Variants in SCNN1A observed in about 807,000 individuals in gnomAD.
The protein encoded by SCNN1A is epithelial sodium channel subunit alpha.
A neutral mutation model predicts 68.6 loss-of-function variants in SCNN1A; 65 were observed. The observed-to-expected ratio is 0.95, with a 90% CI of 0.78 to 1.16. The LOEUF (loss-of-function observed/expected upper bound fraction) is 1.16, where lower values mean the gene tolerates loss of function less well. Among genes scored for constraint, SCNN1A ranks in the 50% most tolerant of loss-of-function variants. SCNN1A has a pLI of 0.00. For synonymous variants in SCNN1A, 357 were observed against 353.3 expected, an observed-to-expected ratio of 1.01 and a Z score of -0.12; for missense variants, 880 against 865.9, an observed-to-expected ratio of 1.02 and a Z score of -0.20.
chr12:6,375,062 G>C, intron 1 of SCNN1A: 1 of 1,532,444 alleles, frequency 6.5e-7, no homozygotes. Flanking sequence ...CCGGAGCTGG[G>C]CTTCCCTAGA....
Position 6,372,948 on chromosome 12 carries a change from C to G in SCNN1A, c.416+1420G>C, listed in dbSNP as rs77825754. ...CTCTCTCTGTGATGTTGTGACTTGC[C>G]TCTCTTTGCCTTAGTTTCCTCAAGT... On this transcript the variant is annotated intron_variant, in intron 2 of 12. Transcript: ENST00000228916. The surrounding 1 kb of genome is among the most constrained non-coding windows in gnomAD (Gnocchi z 5.8). Among the ~76,000 whole-genome samples the G allele has an allele frequency of 0.024, 3,585 of 152,268 alleles. 129 individuals are homozygous for G. The highest frequency in any genetic ancestry group is 0.079 in the African/African-American group (3,287 of 41,528).
At chr12:6,356,626 G>C (rs553450532) in intron 4 of SCNN1A, among the ~76,000 whole-genome samples, 1 of 152,194 alleles carries the variant, frequency 6.6e-6, no homozygotes, top group Non-Finnish European at 1.5e-5. Context: ...ACAGGTGTGG[G>C]GACAGAGAGA....
At chr12:6,365,202 G>A (rs1948656090) in intron 2 of SCNN1A, among the ~76,000 whole-genome samples, 1 of 151,958 alleles carries the variant, frequency 6.6e-6, no homozygotes, top group Non-Finnish European at 1.5e-5. Context: ...ATTTTTTGTA[G>A]AGAGGGGGTT....
At chr12:6,373,876 A>G (rs1395960555) in intron 2 of SCNN1A, among the ~76,000 whole-genome samples, 1 of 152,030 alleles carries the variant, frequency 6.6e-6, no homozygotes, top group Non-Finnish European at 1.5e-5. Context: ...TCTCCATAAT[A>G]AATTCCCCTT....
At position 6,349,208 on chromosome 12, in the gene SCNN1A, G is replaced by C. The variant is rs773081415; in HGVS notation, c.1453C>G (p.Gln485Glu). Residue 485 changes from glutamine (Q) to glutamate (E), a missense_variant, in exon 10 of 13, where the codon CAG becomes GAG. This residue lies in a region of SCNN1A where 758 missense variants were observed against 721.8 expected (regional missense o/e 1.05). Coordinates refer to ENST00000228916, the MANE Select transcript of SCNN1A (RefSeq NM_001038.6). Reference protein sequence around the residue: ...CRKPCSVTSYQLSAGYSRWPS... With the variant: ...CRKPCSVTSYELSAGYSRWPS... ...CATCGTGAGTAACCAGCAGAGAGCT[G>C]GTAGCTGGTCACGCTGGGGATGGAG... The C allele has an allele frequency of 6.2e-7, 1 of 1,614,158 alleles. No homozygotes were observed. Among genetic ancestry groups the C allele is most frequent in the Non-Finnish European group, 8.5e-7 (1 of 1,180,026 alleles).
intron 4 of SCNN1A, among the ~76,000 whole-genome samples, chr12:6,360,093 A>C (rs1948558704): frequency 6.6e-6 from 1 of 152,176 alleles, no homozygotes. Flanking sequence ...ATAGCAACAC[A>C]AAATGGACTA....
rs1948869757 is a variant in SCNN1A, at chr12:6,374,819, GCTC to G, written c.-39_-37del. ...ATGGGCTGCAGAGGTCTAGGGTCCT[GCTC>G]CTCCAGCTTGTTCCCCTTCATGAGC... On this transcript the variant is annotated 5_prime_UTR_variant, in exon 2 of 13. Transcript: ENST00000228916. The surrounding 1 kb of genome is among the most constrained non-coding windows in gnomAD (Gnocchi z 6.2). 1.2e-6 allele frequency: 2 copies of G among 1,613,952 alleles called. No homozygotes were observed. The highest frequency in any genetic ancestry group is 3.3e-5 in the Admixed American group (2 of 60,006).
In SCNN1A at chr12:6,347,673, A is replaced by C; in HGVS notation, c.*200T>G. 1 of 625,572 alleles carries C rather than the reference A, an allele frequency of 1.6e-6. No individual in the cohort carries two copies. Among genetic ancestry groups the C allele is most frequent in the Non-Finnish European group, 2.9e-6 (1 of 347,040 alleles). 38.8% of individuals were successfully genotyped at this position (625,572 alleles called of 1,614,324 possible). On this transcript the variant is annotated 3_prime_UTR_variant, in exon 13 of 13. Coordinates refer to ENST00000228916, the MANE Select transcript of SCNN1A (RefSeq NM_001038.6). Reference sequence around the variant, plus strand: ...ACCAAGGGGTACAGGGCTGGAGCCAAGGCACTTCTGGGCAGCTTCATCAGC... The same window carrying C: ...ACCAAGGGGTACAGGGCTGGAGCCACGGCACTTCTGGGCAGCTTCATCAGC...
chr12:6,366,719 G>A (rs1948685411), intron 2 of SCNN1A, among the ~76,000 whole-genome samples: 2 of 151,834 alleles, frequency 1.3e-5, no homozygotes, highest in Non-Finnish European at 2.9e-5. Context: ...AGAATCGCTT[G>A]AACCCGGGAG....
At chr12:6,364,561 C>G (rs907803770) in intron 2 of SCNN1A, among the ~76,000 whole-genome samples, 1 of 151,972 alleles carries the variant, frequency 6.6e-6, no homozygotes, top group Non-Finnish European at 1.5e-5. Flanking sequence ...CGAGACCACC[C>G]TGGCTAACAC....
chr12:6,368,178 T>C (rs1948712946), intron 2 of SCNN1A, among the ~76,000 whole-genome samples: 1 of 152,266 alleles, frequency 6.6e-6, no homozygotes, highest in Non-Finnish European at 1.5e-5. Context: ...TGAGTTTCAC[T>C]GAGCAAACAA....
At chr12:6,355,700 TAGG>T in intron 5 of SCNN1A, 74 bp downstream of exon 5, 1 of 1,069,908 alleles carries the variant, frequency 9.3e-7, no homozygotes, top group Non-Finnish European at 1.5e-6. Flanking sequence ...CCAGCAGCTC[TAGG>T]AGGTGAGCTC....
intron 8 of SCNN1A, among the ~76,000 whole-genome samples, chr12:6,352,510 A>C (rs574444899): frequency 6.6e-6 from 1 of 152,084 alleles, no homozygotes; most frequent in African/African-American, 2.4e-5. Flanking sequence ...AGCAATCAAT[A>C]TTGTTATTTT....
intron 4 of SCNN1A, chr12:6,356,093 A>T (rs755000709): frequency 5.4e-5 from 33 of 612,374 alleles, no homozygotes; most frequent in Non-Finnish European, 9.2e-5. Context: ...AGCCTGTGAG[A>T]GTCTCATCCT....
chr12:6,360,290 AT>A (rs1370985493), intron 4 of SCNN1A, among the ~76,000 whole-genome samples: 1 of 152,192 alleles, frequency 6.6e-6, no homozygotes, highest in Admixed American at 6.5e-5. Context: ...AAGTGCCAAG[AT>A]AAAGATGAAC....
At position 6,355,277 on chromosome 12, in the gene SCNN1A, T is replaced by C; in HGVS notation, c.1138A>G (p.Arg380Gly). 1 of 1,612,734 alleles carries C rather than the reference T, an allele frequency of 6.2e-7. No individual in the cohort carries two copies. The highest frequency in any genetic ancestry group is 2.2e-5 in the East Asian group (1 of 44,810). ...RPGVETSISM[R>G]KETLDRLGGD... The stretch of plus-strand genomic sequence containing the variant: ...CTCCCAGTCAGCATCCTTGCCTTCC[T>C]CATGCTGATGGAGGTCTCCACGCCA... The change falls in exon 6 of 13, where the codon AGG (arginine) becomes GGG (glycine). Residue 380 changes from arginine to glycine, a missense_variant. By Grantham distance (125) the Arg-to-Gly change is moderately radical. This residue lies in a region of SCNN1A where 758 missense variants were observed against 721.8 expected (regional missense o/e 1.05). Transcript: ENST00000228916.
In SCNN1A at chr12:6,375,563, C is replaced by T. The variant is rs72645136; in HGVS notation, c.-113G>A. 45 of 1,534,084 alleles carry T rather than the reference C, an allele frequency of 2.9e-5. No individual in the cohort carries two copies. Among genetic ancestry groups the T allele is most frequent in the Middle Eastern group, 3.3e-4 (2 of 6,002 alleles). On this transcript the variant is annotated 5_prime_UTR_variant, in exon 1 of 13. Coordinates refer to ENST00000228916, the MANE Select transcript of SCNN1A (RefSeq NM_001038.6). ...CCCGCTGGCCGGCCAGGGATGGAAG[C>T]GACAGGAATCTCATTAGCATCTCAA...
rs888814105 is a variant in SCNN1A, at chr12:6,360,085, A to G, written c.875+1966T>C. 3.9e-5 allele frequency among the ~76,000 whole-genome samples: 6 copies of G among 152,162 alleles called. No individual in the cohort carries two copies. The East Asian group carries it at 7.7e-4, about 20-fold the overall frequency. On this transcript the variant is annotated intron_variant, in intron 4 of 12. Transcript: ENST00000228916. ...CGTGCCCGGTGAGATATTCCTTTAT[A>G]GCAACACAAAATGGACTAACACACA...
rs764254051 is a variant in SCNN1A, at chr12:6,354,486, G to A, written c.1312C>T (p.Arg438Trp). ...ECGCAYIFYP[R>W]PQNVEYCDYR... ...TCACAGTACTCCACGTTCTGGGGCC[G>A]CGGATAGAAGATGTAGGCACAGCCA... The change falls in exon 8 of 13, where the codon CGG becomes TGG. Residue 438 changes from arginine to tryptophan, a missense_variant. Physicochemically the swap from Arg to Trp is moderately radical, Grantham distance 101. Around this residue, in one of 3 missense-constraint regions of SCNN1A, gnomAD observed 758 missense variants for 721.8 expected, o/e 1.05. Coordinates refer to ENST00000228916, the MANE Select transcript of SCNN1A (RefSeq NM_001038.6). 26 of 1,613,488 alleles carry A rather than the reference G, an allele frequency of 1.6e-5. No homozygotes were observed. Among genetic ancestry groups the A allele is most frequent in the Admixed American group, 8.3e-5 (5 of 59,984 alleles).
Sources: gnomAD v4.1 joint callset for allele counts (sites outside exome capture counted in the v4.1 genomes callset) on GRCh38, gnomAD v4.1.1 for gene constraint, gnomAD v4.1.1 regional missense constraint, Gnocchi (gnomAD v3.1) non-coding constraint, MANE v1.5 for transcripts, NCBI Gene and HGNC (gene_info 2026-07-23, HGNC 2026-07-21) for gene names.